Variants in CCSER1 observed in about 807,000 individuals in gnomAD.
The protein encoded by CCSER1 is coiled-coil serine rich protein 1.
In CCSER1, 41 loss-of-function variants were observed where a neutral mutation model predicts 82.0. That is an observed-to-expected ratio of 0.50 (90% CI 0.39 to 0.65). The LOEUF (loss-of-function observed/expected upper bound fraction) is 0.65. CCSER1 is among the 30% of genes least tolerant of loss of function. CCSER1 has a pLI of 0.00. For missense variants in CCSER1, 1,119 were observed against 1,064.2 expected (o/e 1.05, Z -0.72); for synonymous variants, 414 against 383.9 (o/e 1.08, Z -0.92).
chr4:91,214,805 T>C (rs2149090140), intron 10 of CCSER1, among the ~76,000 whole-genome samples: 1 of 152,248 alleles, frequency 6.6e-6, no homozygotes, highest in Admixed American at 6.5e-5. Context: ...TCAAAAGTAA[T>C]TGTTTTTAAA....
chr4:91,488,233 T>A (rs914300365), intron 10 of CCSER1, among the ~76,000 whole-genome samples: 1 of 152,222 alleles, frequency 6.6e-6, no homozygotes, highest in African/African-American at 2.4e-5. Context: ...ATAAAATTGT[T>A]TGTATTTTCC....
chr4:91,156,975 G>A (rs963837256), intron 10 of CCSER1, among the ~76,000 whole-genome samples: 7 of 151,788 alleles, frequency 4.6e-5, no homozygotes, highest in South Asian at 2.1e-4. Context: ...CATGTACGAC[G>A]TTACTGATGG....
chr4:90,859,763 G>A (rs981578519), intron 8 of CCSER1, among the ~76,000 whole-genome samples: 1 of 151,664 alleles, frequency 6.6e-6, no homozygotes, highest in African/African-American at 2.4e-5. Context: ...ATGTTTCTTT[G>A]CTAGAATCAA....
chr4:90,535,306 T>C (rs777276586), intron 5 of CCSER1, among the ~76,000 whole-genome samples: 4 of 152,110 alleles, frequency 2.6e-5, no homozygotes, highest in Non-Finnish European at 5.9e-5. Context: ...TCATTTGGGC[T>C]GAGCACAGTG....
intron 5 of CCSER1, among the ~76,000 whole-genome samples, chr4:90,619,489 C>T (rs1425622382): frequency 1.3e-5 from 2 of 151,928 alleles, no homozygotes; most frequent in Admixed American, 6.6e-5. Context: ...TAGGAAGACC[C>T]GCCAACCTGT....
intron 9 of CCSER1, among the ~76,000 whole-genome samples, chr4:90,925,090 T>G (rs1728890040): frequency 6.6e-6 from 1 of 152,190 alleles, no homozygotes; most frequent in Admixed American, 6.5e-5. Flanking sequence ...ATATGTGTTT[T>G]ACAAATAACA....
intron 8 of CCSER1, among the ~76,000 whole-genome samples, chr4:90,829,236 A>C (rs946518984): frequency 6.6e-6 from 1 of 152,168 alleles, no homozygotes; most frequent in Non-Finnish European, 1.5e-5. Context: ...GGAAGTGCTA[A>C]GATCATCTGC....
At chr4:91,486,134 G>A (rs1031267026) in intron 10 of CCSER1, among the ~76,000 whole-genome samples, 2 of 151,536 alleles carry the variant, frequency 1.3e-5, no homozygotes. Context: ...TTTTAAGAAT[G>A]TATGTTGAAA....
chr4:90,443,996 A>G (rs913462931), intron 4 of CCSER1, among the ~76,000 whole-genome samples: 3 of 152,002 alleles, frequency 2.0e-5, no homozygotes, highest in African/African-American at 7.2e-5. Context: ...ATAATTAAAT[A>G]TTATGTAGGG....
chr4:91,096,663 T>C (rs1286210524), intron 10 of CCSER1, among the ~76,000 whole-genome samples: 5 of 152,084 alleles, frequency 3.3e-5, no homozygotes, highest in African/African-American at 9.7e-5. Context: ...TTTCCTGGAG[T>C]CATAGTGACT....
intron 10 of CCSER1, among the ~76,000 whole-genome samples, chr4:91,168,433 C>G (rs1581695478): frequency 6.7e-6 from 1 of 148,640 alleles, no homozygotes; most frequent in East Asian, 2.0e-4. Context: ...GTGCCTCTGC[C>G]CGGCCGCCCT....
intron 10 of CCSER1, among the ~76,000 whole-genome samples, chr4:91,431,163 G>C (rs1342422209): frequency 2.0e-5 from 3 of 152,162 alleles, no homozygotes; most frequent in Admixed American, 6.5e-5. Context: ...GTGAACCCGG[G>C]AGGCGGAACT....
chr4:90,437,887 T>G (rs2153570695), intron 4 of CCSER1, among the ~76,000 whole-genome samples: 1 of 152,278 alleles, frequency 6.6e-6, no homozygotes, highest in South Asian at 2.1e-4. Flanking sequence ...TGTTTATTCT[T>G]TTTGGCTAAT....
intron 9 of CCSER1, among the ~76,000 whole-genome samples, chr4:90,944,008 C>T (rs1208454937): frequency 2.0e-5 from 3 of 151,722 alleles, no homozygotes; most frequent in Admixed American, 2.0e-4. Context: ...CCGAGGTGGG[C>T]GGATTGCCTG....
chr4:91,176,978 T>C (rs2069683936), intron 10 of CCSER1, among the ~76,000 whole-genome samples: 1 of 152,200 alleles, frequency 6.6e-6, no homozygotes, highest in African/African-American at 2.4e-5. Context: ...GCTCTTATTA[T>C]TTTGAGATAC....
intron 10 of CCSER1, among the ~76,000 whole-genome samples, chr4:91,497,691 G>A (rs949379511): frequency 2.5e-4 from 38 of 151,662 alleles, no homozygotes; most frequent in African/African-American, 8.9e-4. Flanking sequence ...ATCGAAATTA[G>A]GATAGGATAG....
chr4:91,526,380 T>G (rs1181935596), intron 10 of CCSER1, among the ~76,000 whole-genome samples: 1 of 152,184 alleles, frequency 6.6e-6, no homozygotes, highest in Non-Finnish European at 1.5e-5. Flanking sequence ...AGTATTTTTC[T>G]TAAATGTATT....
In CCSER1 at chr4:90,624,098, T is replaced by C. The variant is rs182565658; in HGVS notation, c.1725-3927T>C. On this transcript the variant is annotated intron_variant, in intron 5 of 10. Transcript: ENST00000509176. ...ATGCTTATTTATTATGCCAGGTAAATAGGGGTTACTTACTTTTCTGTTCTT... is the reference window on the plus strand; with the variant it reads ...ATGCTTATTTATTATGCCAGGTAAACAGGGGTTACTTACTTTTCTGTTCTT... Among the ~76,000 whole-genome samples, 186 of 152,318 alleles carry C rather than the reference T, an allele frequency of 1.2e-3. 1 individual carries two copies. The highest frequency in any genetic ancestry group is 4.0e-3 in the African/African-American group (167 of 41,580).
intron 5 of CCSER1, among the ~76,000 whole-genome samples, chr4:90,471,222 CA>C: frequency 6.6e-6 from 1 of 152,020 alleles, no homozygotes; most frequent in East Asian, 1.9e-4. Flanking sequence ...GGCAGTATAA[CA>C]CAGTGGTTAG....
Sources: allele counts gnomAD v4.1 joint callset (sites outside exome capture counted in the v4.1 genomes callset), GRCh38; gene constraint gnomAD v4.1.1; transcripts MANE v1.5; gene names NCBI Gene and HGNC (gene_info 2026-07-23, HGNC 2026-07-21).